The following TRIM61 variants were observed in gnomAD, a reference collection of about 807,000 sequenced individuals.
The protein encoded by TRIM61 is putative tripartite motif-containing protein 61.
Under a neutral mutation model 14.2 loss-of-function variants are expected in TRIM61, and 1 was observed. The observed-to-expected ratio is 0.07, with a 90% CI of 0.03 to 0.33. The LOEUF (loss-of-function observed/expected upper bound fraction) is 0.33. TRIM61 is among the 10% of genes least tolerant of loss of function. The pLI, the probability that TRIM61 is intolerant of heterozygous loss-of-function variation, is 0.99. For synonymous variants in TRIM61, 8 were observed against 71.6 expected, an observed-to-expected ratio of 0.11 and a Z score of 4.49; for missense variants, 19 against 202.2, an observed-to-expected ratio of 0.09 and a Z score of 5.49.
intron 3 of TRIM61, among the ~76,000 whole-genome samples, chr4:164,961,312 C>T (rs1161698213): frequency 1.3e-5 from 2 of 150,944 alleles, no homozygotes; most frequent in Non-Finnish European, 2.9e-5. Context: ...AATGGAAATG[C>T]TAGCAATGAA....
At chr4:164,972,291 T>TAA (rs1384430649) in intron 2 of TRIM61, among the ~76,000 whole-genome samples, 388 of 152,328 alleles carry the variant, frequency 2.5e-3, no homozygotes, top group African/African-American at 8.5e-3. Context: ...TAACAACCTC[T>TAA]TTTTCTTATA....
At chr4:164,968,627 G>A (rs1732293206) in intron 3 of TRIM61, 1 of 985,632 alleles carries the variant, frequency 1.0e-6, no homozygotes, top group Non-Finnish European at 1.2e-6. Context: ...AAGAGGTTTT[G>A]AGTCAGTTCC....
At chr4:164,971,986 C>A (rs1048375748) in intron 2 of TRIM61, among the ~76,000 whole-genome samples, 21 of 152,210 alleles carry the variant, frequency 1.4e-4, no homozygotes, top group Non-Finnish European at 2.9e-4. Context: ...CTAGCAAGTT[C>A]TTTTACTATA....
At chr4:164,974,261 A>G (rs1013584189) in intron 2 of TRIM61, among the ~76,000 whole-genome samples, 1 of 152,248 alleles carries the variant, frequency 6.6e-6, no homozygotes, top group African/African-American at 2.4e-5. Flanking sequence ...GTAACTTCCA[A>G]GGGCTCACTG....
intron 3 of TRIM61, among the ~76,000 whole-genome samples, chr4:164,964,340 T>A: frequency 7.1e-6 from 1 of 141,014 alleles, no homozygotes. Context: ...AGAGCGAGAC[T>A]CTGTCTCAAA....
Position 164,972,825 on chromosome 4 carries a change from C to T in TRIM61, c.-337-2486G>A, listed in dbSNP as rs1180813736. 3.3e-5 allele frequency among the ~76,000 whole-genome samples: 5 copies of T among 152,218 alleles called. 1 individual carries two copies. In the South Asian group the frequency reaches 8.3e-4, roughly 25 times the overall value. ...TCTTGATATCATTTAACTTGTCCCT[C>T]AGGCCTTCACTTTTTAAACAAATTA... On this transcript the variant is annotated intron_variant, in intron 2 of 4. Transcript: ENST00000329314.
At chr4:164,975,762 C>T (rs1271818370) in intron 2 of TRIM61, among the ~76,000 whole-genome samples, 4 of 146,164 alleles carry the variant, frequency 2.7e-5, no homozygotes, top group Admixed American at 1.4e-4. Flanking sequence ...AATATGGCCT[C>T]GTGGGATGAG....
chr4:164,961,223 A>T (rs1303118909), intron 3 of TRIM61, among the ~76,000 whole-genome samples: 1 of 146,406 alleles, frequency 6.8e-6, no homozygotes, highest in Non-Finnish European at 1.5e-5. Flanking sequence ...TTGATATGTT[A>T]AAGGCTTTGG....
chr4:164,974,083 T>C (rs780836243), intron 2 of TRIM61, among the ~76,000 whole-genome samples: 45 of 152,220 alleles, frequency 3.0e-4, no homozygotes, highest in Non-Finnish European at 4.9e-4. Flanking sequence ...AGCGGGAGAA[T>C]TGCTTGAACC....
At chr4:164,962,689 T>A (rs1385679067) in intron 3 of TRIM61, among the ~76,000 whole-genome samples, 3 of 109,412 alleles carry the variant, frequency 2.7e-5, no homozygotes, top group African/African-American at 6.7e-5. Flanking sequence ...CTACAAGAAA[T>A]GTTAAAAAAA....
At chr4:164,976,076 G>A (rs1732475001) in intron 2 of TRIM61, among the ~76,000 whole-genome samples, 1 of 152,142 alleles carries the variant, frequency 6.6e-6, no homozygotes, top group Non-Finnish European at 1.5e-5. Context: ...TCCAGTCATA[G>A]TACTTTCCCT....
chr4:164,964,291 T>C (rs1252299988), intron 3 of TRIM61, among the ~76,000 whole-genome samples: 4 of 147,308 alleles, frequency 2.7e-5, no homozygotes, highest in Admixed American at 6.9e-5. Flanking sequence ...AAGCTTGCAG[T>C]GAGCCGAGAT....
In TRIM61 at chr4:164,968,495, G is replaced by A. The variant is rs573741003; in HGVS notation, c.525+983C>T. ...AGATAAAAAAATATTGCTTTCTTAT[G>A]GGAAAAACTGGACAAAATACAGAAT... On this transcript the variant is annotated intron_variant, in intron 3 of 4. Coordinates refer to ENST00000329314, the MANE Select transcript of TRIM61 (RefSeq NM_001012414.3). The A allele has an allele frequency of 9.1e-6, 9 of 985,454 alleles. No homozygotes were observed. The East Asian group carries it at 8.0e-4, about 87-fold the overall frequency. 61.0% of individuals were successfully genotyped at this position (985,454 alleles called of 1,614,324 possible).
chr4:164,974,049 A>C (rs751327001), intron 2 of TRIM61, among the ~76,000 whole-genome samples: 15 of 152,234 alleles, frequency 9.9e-5, no homozygotes, highest in Non-Finnish European at 2.1e-4. Context: ...GCATGCCAGT[A>C]ATTCCAGCTA....
chr4:164,963,874 T>C (rs928665030), intron 3 of TRIM61, among the ~76,000 whole-genome samples: 3 of 152,114 alleles, frequency 2.0e-5, no homozygotes, highest in African/African-American at 7.2e-5. Flanking sequence ...AAATACCTCT[T>C]GGGTCAAAGA....
intron 3 of TRIM61, among the ~76,000 whole-genome samples, chr4:164,965,872 T>C (rs768790317): frequency 3.1e-4 from 47 of 150,434 alleles, no homozygotes; most frequent in Admixed American, 4.6e-4. Context: ...CAGGATAGAC[T>C]AAAGACATTT....
intron 3 of TRIM61, among the ~76,000 whole-genome samples, chr4:164,963,551 C>G (rs1411202690): frequency 2.0e-5 from 3 of 152,052 alleles, no homozygotes; most frequent in Non-Finnish European, 2.9e-5. Flanking sequence ...CGAGACCAGC[C>G]TGGCCAACAT....
chr4:164,968,886 T>G, intron 3 of TRIM61: 2 of 989,142 alleles, frequency 2.0e-6, no homozygotes, highest in Non-Finnish European at 2.4e-6. Flanking sequence ...TTCCTCCTTC[T>G]GGGAAGACAG....
At chr4:164,961,843 T>A (rs916893169) in intron 3 of TRIM61, among the ~76,000 whole-genome samples, 1 of 152,174 alleles carries the variant, frequency 6.6e-6, no homozygotes, top group African/African-American at 2.4e-5. Flanking sequence ...AGGAATATGG[T>A]CTGAGAAGTA....
Sources: allele counts gnomAD v4.1 joint callset (sites outside exome capture counted in the v4.1 genomes callset), GRCh38; gene constraint gnomAD v4.1.1; transcripts MANE v1.5; gene names NCBI Gene and HGNC (gene_info 2026-07-23, HGNC 2026-07-21).